The following HERC3 variants were observed in gnomAD, a reference collection of about 807,000 sequenced individuals.
HERC3 encodes the protein probable E3 ubiquitin-protein ligase HERC3.
A neutral mutation model predicts 129.9 loss-of-function variants in HERC3; 58 were observed. That is an observed-to-expected ratio of 0.45 (90% CI 0.36 to 0.56). The LOEUF (loss-of-function observed/expected upper bound fraction) is 0.56. Among genes scored for constraint, HERC3 ranks in the 20% least tolerant of loss-of-function variants. The pLI is 0.00. For missense variants in HERC3, 835 were observed against 1,244.2 expected, an observed-to-expected ratio of 0.67 and a Z score of 4.95; for synonymous variants, 430 against 451.0, an observed-to-expected ratio of 0.95 and a Z score of 0.59.
the HERC3 span, among the ~76,000 whole-genome samples, chr4:88,571,298 C>G: frequency 2.0e-5 from 3 of 152,148 alleles, no homozygotes; most frequent in Non-Finnish European, 1.5e-5. Context: ...AACTAGTAAA[C>G]AAGTCATCTG....
intron 3 of HERC3, among the ~76,000 whole-genome samples, chr4:88,622,084 C>A (rs1374352958): frequency 6.6e-6 from 1 of 152,206 alleles, no homozygotes; most frequent in African/African-American, 2.4e-5. Flanking sequence ...TCACCACAAT[C>A]AATTTTAGAA....
chr4:88,620,446 C>G (rs1725387306), intron 3 of HERC3, among the ~76,000 whole-genome samples: 1 of 152,182 alleles, frequency 6.6e-6, no homozygotes. Flanking sequence ...TTGGAGTCAT[C>G]CCTGATTTGT....
chr4:88,652,761 T>C (rs934504368), intron 5 of HERC3, 108 bp from the exon 6 acceptor site: 6 of 1,111,788 alleles, frequency 5.4e-6, no homozygotes, highest in Non-Finnish European at 7.6e-6. Flanking sequence ...TGCTCTTGGG[T>C]GGGTTTGGTG....
chr4:88,562,201 G>A, the HERC3 span, among the ~76,000 whole-genome samples: 1 of 152,168 alleles, frequency 6.6e-6, no homozygotes, highest in Non-Finnish European at 1.5e-5. Flanking sequence ...TAATTGGGGT[G>A]AGATGATATC....
chr4:88,586,548 G>C, the HERC3 span, among the ~76,000 whole-genome samples: 1 of 151,930 alleles, frequency 6.6e-6, no homozygotes, highest in Non-Finnish European at 1.5e-5. Flanking sequence ...AGTAGAGATG[G>C]GGTTTCTGCC....
At chr4:88,595,974 C>T (rs538944713) in intron 2 of HERC3, among the ~76,000 whole-genome samples, 2 of 151,518 alleles carry the variant, frequency 1.3e-5, no homozygotes, top group African/African-American at 4.9e-5. Context: ...CTCAGCCTCC[C>T]GAGTAGCTGG....
intron 23 of HERC3, among the ~76,000 whole-genome samples, chr4:88,698,159 T>A (rs1734873398): frequency 6.6e-6 from 1 of 152,112 alleles, no homozygotes; most frequent in Admixed American, 6.5e-5. Flanking sequence ...ATCCAGGCCC[T>A]TCTACAAATG....
chr4:88,678,173 A>G (rs761114451), intron 19 of HERC3, 39 bp downstream of exon 19: 9 of 1,582,668 alleles, frequency 5.7e-6, no homozygotes, highest in Middle Eastern at 1.7e-4. Flanking sequence ...TACCTTCGCA[A>G]TTTTTCTTTG....
the HERC3 span, among the ~76,000 whole-genome samples, chr4:88,545,882 A>T: frequency 6.6e-6 from 1 of 152,234 alleles, no homozygotes; most frequent in Non-Finnish European, 1.5e-5. Flanking sequence ...TTATCCTAAT[A>T]TGCAGATGTA....
In HERC3 at chr4:88,662,559, T is replaced by C. The variant is rs1326466267; in HGVS notation, c.1271+4T>C. On this transcript the variant is annotated splice_donor_region_variant and intron_variant, in intron 11 of 25. Coordinates refer to ENST00000402738, the MANE Select transcript of HERC3 (RefSeq NM_014606.3). ...ACAACAATGCAAATACAATCAAGTA[T>C]GTGGCTGCTTGTCTTCATTTTTTTT... The C allele has an allele frequency of 1.3e-6, 2 of 1,592,778 alleles. No individual in the cohort carries two copies. Among genetic ancestry groups the C allele is most frequent in the Admixed American group, 3.8e-5 (2 of 53,276 alleles).
chr4:88,633,942 A>AG (rs1159237994), intron 3 of HERC3, among the ~76,000 whole-genome samples: 1 of 152,178 alleles, frequency 6.6e-6, no homozygotes, highest in Non-Finnish European at 1.5e-5. Context: ...GGTCAATTCG[A>AG]GGGGGGCGGG....
At chr4:88,535,727 G>A in the HERC3 span, among the ~76,000 whole-genome samples, 1 of 152,064 alleles carries the variant, frequency 6.6e-6, no homozygotes, top group African/African-American at 2.4e-5. Flanking sequence ...CATCATGGGG[G>A]TCCCACACGA....
intron 23 of HERC3, among the ~76,000 whole-genome samples, chr4:88,687,807 G>C (rs796588286): frequency 7.2e-5 from 11 of 152,298 alleles, no homozygotes; most frequent in African/African-American, 2.6e-4. Flanking sequence ...TGATTGATTT[G>C]TCATAGAGTC....
chr4:88,639,071 A>G (rs959547140), intron 3 of HERC3, among the ~76,000 whole-genome samples: 18 of 152,156 alleles, frequency 1.2e-4, no homozygotes, highest in African/African-American at 4.3e-4. Flanking sequence ...ACTACAAACC[A>G]CTTTTCAAGG....
chr4:88,660,120 TAC>T (rs913180944), intron 10 of HERC3, among the ~76,000 whole-genome samples: 4 of 152,272 alleles, frequency 2.6e-5, no homozygotes, highest in African/African-American at 9.6e-5. Flanking sequence ...ATTATTTAGA[TAC>T]AGAGGCTGAT....
chr4:88,653,176 C>A, intron 6 of HERC3, 86 bp downstream of exon 6: 1 of 1,293,798 alleles, frequency 7.7e-7, no homozygotes, highest in Non-Finnish European at 1.1e-6. Context: ...ATGTGCTAGC[C>A]CCATGTGAGA....
Position 88,678,924 on chromosome 4 carries a change from C to G in HERC3, c.2196+790C>G, listed in dbSNP as rs1354569601. On this transcript the variant is annotated intron_variant, in intron 19 of 25. Coordinates refer to ENST00000402738, the MANE Select transcript of HERC3 (RefSeq NM_014606.3). ...TTTTGACACAGCTTTTCTTTTTGCCCTGTTTTCAATAGGTAATTCAGGTGA... is the reference window on the plus strand; with the variant it reads ...TTTTGACACAGCTTTTCTTTTTGCCGTGTTTTCAATAGGTAATTCAGGTGA... 3.3e-5 allele frequency among the ~76,000 whole-genome samples: 5 copies of G among 152,100 alleles called. 1 individual carries two copies. The highest frequency in any genetic ancestry group is 1.2e-4 in the African/African-American group (5 of 41,416).
At chr4:88,634,250 C>T (rs997283778) in intron 3 of HERC3, among the ~76,000 whole-genome samples, 1 of 152,222 alleles carries the variant, frequency 6.6e-6, no homozygotes, top group Non-Finnish European at 1.5e-5. Flanking sequence ...CTCGTGAGCC[C>T]ATGCTACTGG....
intron 3 of HERC3, among the ~76,000 whole-genome samples, chr4:88,618,078 T>G (rs980545593): frequency 6.6e-6 from 1 of 152,226 alleles, no homozygotes; most frequent in African/African-American, 2.4e-5. Context: ...ATAACAGTTG[T>G]GCTGAACTCA....
Sources: allele counts gnomAD v4.1 joint callset (sites outside exome capture counted in the v4.1 genomes callset), GRCh38; gene constraint gnomAD v4.1.1; transcripts MANE v1.5; gene names NCBI Gene and HGNC (gene_info 2026-07-23, HGNC 2026-07-21).